Variants in CACNA2D3 observed in about 807,000 individuals in gnomAD.
The protein encoded by CACNA2D3 is voltage-dependent calcium channel subunit alpha-2/delta-3.
In CACNA2D3, 60 loss-of-function variants were observed where a neutral mutation model predicts 160.6. The ratio of observed to expected loss-of-function variants is 0.37; its 90% CI spans 0.30 to 0.46. The LOEUF (loss-of-function observed/expected upper bound fraction) is 0.46. Ranked by LOEUF, CACNA2D3 falls within the 20% of genes least tolerant of loss-of-function variation. CACNA2D3 has a pLI of 1.00. For missense variants in CACNA2D3, 1,205 were observed against 1,365.0 expected (o/e 0.88, Z 1.85); for synonymous variants, 558 against 492.9 (o/e 1.13, Z -1.75).
At chr3:54,626,622 C>G in intron 9 of CACNA2D3, 5 of 1,312,884 alleles carry the variant, frequency 3.8e-6, no homozygotes, top group Non-Finnish European at 5.5e-6. Flanking sequence ...GGGCCAGCCA[C>G]TCCTCCCGCT....
At chr3:54,455,159 G>T (rs555983124) in intron 4 of CACNA2D3, among the ~76,000 whole-genome samples, 45 of 151,950 alleles carry the variant, frequency 3.0e-4, no homozygotes, top group African/African-American at 1.1e-3. Context: ...AGTTTTTTTT[G>T]AAGAACCTCC....
chr3:54,178,384 A>G (rs1700714934), intron 2 of CACNA2D3, among the ~76,000 whole-genome samples: 1 of 152,156 alleles, frequency 6.6e-6, no homozygotes, highest in Admixed American at 6.5e-5. Context: ...TTGATTGCCT[A>G]GCGATTTTGG....
At chr3:54,350,015 A>G (rs1698525490) in intron 3 of CACNA2D3, among the ~76,000 whole-genome samples, 1 of 152,120 alleles carries the variant, frequency 6.6e-6, no homozygotes, top group African/African-American at 2.4e-5. Flanking sequence ...CTCTTTTGAC[A>G]TTTTATGTTC....
At chr3:54,920,485 A>G (rs539202915) in intron 27 of CACNA2D3, among the ~76,000 whole-genome samples, 2 of 152,304 alleles carry the variant, frequency 1.3e-5, no homozygotes, top group East Asian at 3.9e-4. Context: ...CTAAAGCAGA[A>G]AGATAAAAGG....
At chr3:55,072,569 T>C (rs958675954) in intron 35 of CACNA2D3, among the ~76,000 whole-genome samples, 6 of 152,218 alleles carry the variant, frequency 3.9e-5, no homozygotes, top group African/African-American at 1.2e-4. Context: ...TAAGTTAAAA[T>C]CTATTAAACT....
intron 3 of CACNA2D3, among the ~76,000 whole-genome samples, chr3:54,382,518 C>CA (rs1249430585): frequency 6.6e-6 from 1 of 152,210 alleles, no homozygotes; most frequent in Non-Finnish European, 1.5e-5. Context: ...TGCAGTGACT[C>CA]ACGCCTGTAA....
At chr3:54,150,011 CTCTCTG>C (rs930359843) in intron 2 of CACNA2D3, among the ~76,000 whole-genome samples, 1 of 140,614 alleles carries the variant, frequency 7.1e-6, no homozygotes, top group African/African-American at 2.6e-5. Context: ...CTCTCTTTAT[CTCTCTG>C]TCTCTGTCTC....
chr3:54,180,810 A>G (rs1700769186), intron 2 of CACNA2D3, among the ~76,000 whole-genome samples: 2 of 152,200 alleles, frequency 1.3e-5, no homozygotes. Context: ...TATTGCATGC[A>G]CTAAGCCTGT....
chr3:54,930,725 T>TA (rs1320604463), intron 27 of CACNA2D3, among the ~76,000 whole-genome samples: 1 of 152,210 alleles, frequency 6.6e-6, no homozygotes. Context: ...ATGTAGATAA[T>TA]ACCTACCTCG....
intron 13 of CACNA2D3, among the ~76,000 whole-genome samples, chr3:54,795,082 C>CT (rs554650382): frequency 2.0e-5 from 3 of 151,822 alleles, no homozygotes; most frequent in Admixed American, 6.6e-5. Context: ...TATTTTTCAA[C>CT]TTTTTTTTCT....
chr3:54,206,792 A>G (rs1472622348), intron 2 of CACNA2D3, among the ~76,000 whole-genome samples: 4 of 152,178 alleles, frequency 2.6e-5, no homozygotes, highest in Non-Finnish European at 5.9e-5. Context: ...GAAGATTCAT[A>G]TAATAGCTGA....
intron 4 of CACNA2D3, among the ~76,000 whole-genome samples, chr3:54,450,357 C>G (rs900894707): frequency 4.6e-5 from 7 of 152,164 alleles, no homozygotes; most frequent in African/African-American, 1.7e-4. Flanking sequence ...AAAACACATT[C>G]AATCCCAACA....
chr3:54,682,810 C>T (rs1700380119), intron 11 of CACNA2D3, among the ~76,000 whole-genome samples: 2 of 152,092 alleles, frequency 1.3e-5, no homozygotes, highest in African/African-American at 2.4e-5. Context: ...TAGGCTTGGG[C>T]TGAGCACTGC....
At chr3:54,313,737 C>G (rs1703797407) in intron 2 of CACNA2D3, among the ~76,000 whole-genome samples, 1 of 139,262 alleles carries the variant, frequency 7.2e-6, no homozygotes, top group Non-Finnish European at 1.6e-5. Flanking sequence ...CCCCTGTTGC[C>G]CCTCCCACCC....
intron 24 of CACNA2D3, among the ~76,000 whole-genome samples, chr3:54,890,865 C>T (rs1700048654): frequency 6.6e-6 from 1 of 152,160 alleles, no homozygotes; most frequent in South Asian, 2.1e-4. Context: ...CGTGGAATTC[C>T]AGGCTGTGGG....
At chr3:54,819,862 C>G (rs986252642) in intron 14 of CACNA2D3, among the ~76,000 whole-genome samples, 1 of 152,134 alleles carries the variant, frequency 6.6e-6, no homozygotes, top group Non-Finnish European at 1.5e-5. Flanking sequence ...CACACACACA[C>G]ACAAAACCTG....
At position 54,803,526 on chromosome 3, in the gene CACNA2D3, A is replaced by G. The variant is rs141356625; in HGVS notation, c.1381-13327A>G. Among the ~76,000 whole-genome samples the G allele has an allele frequency of 7.9e-3, 1,200 of 152,252 alleles. 19 individuals are homozygous for G. The highest frequency in any genetic ancestry group is 0.027 in the African/African-American group (1,128 of 41,526). On this transcript the variant is annotated intron_variant, in intron 13 of 37. Coordinates refer to ENST00000474759, the MANE Select transcript of CACNA2D3 (RefSeq NM_018398.3). ...GAGAAAAAAGAATAAAAAGAAACGAACAAAGCCTCCAAGAAATATGGGACT... is the reference window on the plus strand; with the variant it reads ...GAGAAAAAAGAATAAAAAGAAACGAGCAAAGCCTCCAAGAAATATGGGACT...
At chr3:54,567,388 A>G (rs1702425024) in intron 6 of CACNA2D3, among the ~76,000 whole-genome samples, 2 of 152,194 alleles carry the variant, frequency 1.3e-5, no homozygotes, top group South Asian at 2.1e-4. Flanking sequence ...GGATAAACCA[A>G]TGTCTGCCAC....
At position 54,937,131 on chromosome 3, in the gene CACNA2D3, T is replaced by G. The variant is rs143376994; in HGVS notation, c.2450-31319T>G. Among the ~76,000 whole-genome samples the G allele has an allele frequency of 1.8e-3, 267 of 152,320 alleles. 1 individual carries two copies. Among genetic ancestry groups the G allele is most frequent in the African/African-American group, 6.1e-3 (254 of 41,572 alleles). ...TCCACTTCTGAAGGTGAAGACACCC[T>G]TACTTAAAAATAAGGTGTGCTCAAG... is the stretch of plus-strand genomic sequence containing the variant. On this transcript the variant is annotated intron_variant, in intron 27 of 37. Transcript: ENST00000474759.
Sources: allele counts gnomAD v4.1 joint callset (sites outside exome capture counted in the v4.1 genomes callset), GRCh38; gene constraint gnomAD v4.1.1; transcripts MANE v1.5; gene names NCBI Gene and HGNC (gene_info 2026-07-23, HGNC 2026-07-21).